Variants in SPIRE2 observed in about 807,000 individuals in gnomAD.
SPIRE2 encodes the protein protein spire homolog 2.
Under a neutral mutation model 80.7 loss-of-function variants are expected in SPIRE2, and 76 were observed. That is an observed-to-expected ratio of 0.94 (90% CI 0.78 to 1.14). SPIRE2 has a LOEUF of 1.14. Among genes scored for constraint, SPIRE2 ranks in the 50% most tolerant of loss-of-function variants. The pLI, the probability that SPIRE2 is intolerant of heterozygous loss-of-function variation, is 0.00. For missense variants in SPIRE2, 1,196 were observed against 1,015.3 expected, an observed-to-expected ratio of 1.18 and a Z score of -2.42; for synonymous variants, 535 against 432.6, an observed-to-expected ratio of 1.24 and a Z score of -2.94.
rs187746274 is a variant in SPIRE2, at chr16:89,851,348, C to G, written c.645+688C>G. Among the ~76,000 whole-genome samples the G allele has an allele frequency of 6.6e-4, 100 of 152,300 alleles. 1 individual carries two copies. Among genetic ancestry groups the G allele is most frequent in the Admixed American group, 1.1e-3 (17 of 15,298 alleles). The stretch of plus-strand genomic sequence containing the variant: ...AGGTGGCCCCCTCTATACGCAGGAA[C>G]CACAGGGAGGCTCAGCGACTTGCTT... On this transcript the variant is annotated intron_variant, in intron 3 of 14. Coordinates refer to ENST00000378247, the MANE Select transcript of SPIRE2 (RefSeq NM_032451.2).
Position 89,845,295 on chromosome 16 carries a change from ATAACT to A in SPIRE2, c.245-21_245-17del, listed in dbSNP as rs763175843. 180 of 1,613,354 alleles carry A rather than the reference ATAACT, an allele frequency of 1.1e-4. 1 individual carries two copies. The highest frequency in any genetic ancestry group is 2.4e-4 in the South Asian group (22 of 91,056). ...ATTGGGGTCCCGGGGATGCTGACAA[ATAACT>A]TAACTCCCTCTTCTCTTACAGAACC... On this transcript the variant is annotated intron_variant, in intron 1 of 14. Coordinates refer to ENST00000378247, the MANE Select transcript of SPIRE2 (RefSeq NM_032451.2).
chr16:89,869,667 G>C lies in SPIRE2; in HGVS notation c.1907G>C (p.Arg636Thr), dbSNP rs1254131309. 1.2e-6 allele frequency: 2 copies of C among 1,613,866 alleles called. No homozygotes were observed. Among genetic ancestry groups the C allele is most frequent in the Non-Finnish European group, 1.7e-6 (2 of 1,179,742 alleles). ...VSAAKTAPIQ[R>T]RDIFQSLQGP... ...GCTGCCAAAACCGCGCCAATCCAGAGAAGAGACATCTTTCAGTGCGTTCTT... is the reference window on the plus strand; with the variant it reads ...GCTGCCAAAACCGCGCCAATCCAGACAAGAGACATCTTTCAGTGCGTTCTT... Residue 636 changes from arginine (R) to threonine (T), a missense_variant, in exon 14 of 15, where the codon AGA (arginine) becomes ACA (threonine). Transcript: ENST00000378247.
In SPIRE2 at chr16:89,854,310, G is replaced by A. The variant is rs375815496; in HGVS notation, c.670G>A (p.Glu224Lys). ...GATGCTGCAGAAGCTTCGGGAGGAC[G>A]AGCCGCATCTGGAGACGCCTCGGGC... ...KEMLQKLRED[E>K]PHLETPRAEL... Residue 224 changes from glutamate to lysine, a missense_variant, in exon 4 of 15, where the codon GAG becomes AAG. Glu to Lys is a moderately conservative substitution (Grantham distance 56). Transcript: ENST00000378247. 26 of 1,612,372 alleles carry A rather than the reference G, an allele frequency of 1.6e-5. No individual in the cohort carries two copies. Among genetic ancestry groups the A allele is most frequent in the African/African-American group, 1.3e-5 (1 of 74,956 alleles).
At chr16:89,835,876 T>A (rs2041444007) in intron 1 of SPIRE2, among the ~76,000 whole-genome samples, 1 of 151,916 alleles carries the variant, frequency 6.6e-6, no homozygotes, top group Non-Finnish European at 1.5e-5. Context: ...GTGGGAGTAG[T>A]TTAAAAGGAG....
intron 10 of SPIRE2, among the ~76,000 whole-genome samples, chr16:89,861,008 G>A (rs750493141): frequency 4.5e-4 from 69 of 152,260 alleles, no homozygotes; most frequent in African/African-American, 1.6e-3. Flanking sequence ...TGCTGGGGCC[G>A]AACCGCACTG....
rs1325540897 is a variant in SPIRE2 at position 89,854,511 on chromosome 16, C to T, written c.751C>T (p.Arg251Trp). The T allele has an allele frequency of 3.1e-6, 5 of 1,612,568 alleles. No individual in the cohort carries two copies. Among genetic ancestry groups the T allele is most frequent in the East Asian group, 2.2e-5 (1 of 44,888 alleles). The change falls in exon 5 of 15, where the codon CGG becomes TGG. Residue 251 changes from arginine (R) to tryptophan (W), a missense_variant. Physicochemically the swap from Arg to Trp is moderately radical, Grantham distance 101. Coordinates refer to ENST00000378247, the MANE Select transcript of SPIRE2 (RefSeq NM_032451.2). ...GGCCCGACTGTGGGTTCAGCTCATG[C>T]GGGAGCTCCGCCGCGGAGTGAAGCT... is the stretch of plus-strand genomic sequence containing the variant. ...DWARLWVQLM[R>W]ELRRGVKLKK...
intron 5 of SPIRE2, among the ~76,000 whole-genome samples, 197 bp from the exon 6 acceptor site, chr16:89,855,403 T>G (rs1342763465): frequency 6.6e-6 from 1 of 152,134 alleles, no homozygotes; most frequent in Non-Finnish European, 1.5e-5. Flanking sequence ...AGACCATGGA[T>G]GCTGTGGCCG....
intron 7 of SPIRE2, among the ~76,000 whole-genome samples, chr16:89,857,793 C>T (rs559634611): frequency 1.6e-4 from 24 of 151,932 alleles, no homozygotes; most frequent in Non-Finnish European, 3.1e-4. Context: ...TGGTCTCAAA[C>T]TCTTGACCTC....
chr16:89,855,945 C>T (rs1383852276), intron 6 of SPIRE2, 168 bp from the exon 7 acceptor site: 40 of 1,273,622 alleles, frequency 3.1e-5, no homozygotes, highest in Middle Eastern at 2.8e-4. Context: ...GCCCAGAGCC[C>T]CCTGGGAGCA....
At chr16:89,850,722 G>A (rs552137455) in intron 3 of SPIRE2, 62 bp downstream of exon 3, 5 of 1,171,670 alleles carry the variant, frequency 4.3e-6, no homozygotes, top group Non-Finnish European at 5.8e-6. Flanking sequence ...AGCAGTGGGT[G>A]GGAGGGGACT....
rs2041711762 is a variant in SPIRE2 at position 89,858,379 on chromosome 16, G to T, written c.1144G>T (p.Asp382Tyr). ...CTGCATCCTCAACGCCTGCTCCGGA[G>T]ATGCCAAGTCCACCTCCTGCATCAA... ...LPCILNACSGDAKSTSCINLS... is the reference protein window; with the variant it reads ...LPCILNACSGYAKSTSCINLS... Residue 382 changes from aspartate to tyrosine, a missense_variant, in exon 8 of 15, where the codon GAT (aspartate) becomes TAT (tyrosine). Transcript: ENST00000378247. 2 of 1,611,608 alleles carry T rather than the reference G, an allele frequency of 1.2e-6. No individual in the cohort carries two copies. Among genetic ancestry groups the T allele is most frequent in the Admixed American group, 1.7e-5 (1 of 59,840 alleles).
chr16:89,831,010 C>T lies in SPIRE2; in HGVS notation c.244+2216C>T, dbSNP rs566899638. Among the ~76,000 whole-genome samples, 10 of 149,528 alleles carry T rather than the reference C, an allele frequency of 6.7e-5. 1 individual carries two copies. Among genetic ancestry groups the T allele is most frequent in the South Asian group, 6.3e-4 (3 of 4,788 alleles). On this transcript the variant is annotated intron_variant, in intron 1 of 14. Transcript: ENST00000378247. ...CTGCAAGCTCCACCTCCCGGGTTCA[C>T]GCCATTCTCCTGCCTCAGCCTCCCG...
chr16:89,850,600 G>T lies in SPIRE2; in HGVS notation c.585G>T (p.Ala195=). The T allele has an allele frequency of 1.3e-6, 2 of 1,518,730 alleles. No individual in the cohort carries two copies. Among genetic ancestry groups the T allele is most frequent in the African/African-American group, 1.4e-5 (1 of 72,152 alleles). The allele number at this position is 1,518,730 out of a possible 1,614,324, so 94.1% of individuals were successfully genotyped here. The part of the protein sequence containing the change: ...AQAHYQAVCR[A]LFVETLELRA... ...CGCATTACCAGGCCGTGTGCCGCGCGCTCTTCGTGGAGACGCTGGAGCTGC... is the reference window on the plus strand; with the variant it reads ...CGCATTACCAGGCCGTGTGCCGCGCTCTCTTCGTGGAGACGCTGGAGCTGC... The change falls in exon 3 of 15, where the codon GCG becomes GCT. Residue 195 remains alanine (A), a synonymous_variant. Transcript: ENST00000378247.
rs777237458 is a variant in SPIRE2 at position 89,855,675 on chromosome 16, C to A, written c.967C>A (p.Pro323Thr). 1.3e-5 allele frequency: 21 copies of A among 1,612,736 alleles called. No homozygotes were observed. The highest frequency in any genetic ancestry group is 2.7e-5 in the African/African-American group (2 of 74,920). Residue 323 changes from proline (P) to threonine (T), a missense_variant, in exon 6 of 15, where the codon CCA (proline) becomes ACA (threonine). Coordinates refer to ENST00000378247, the MANE Select transcript of SPIRE2 (RefSeq NM_032451.2). Reference protein sequence around the residue: ...LILDFIRSRPPLKQVSERRLR... With the variant: ...LILDFIRSRPTLKQVSERRLR... ...CCTGGACTTTATCCGCTCACGGCCT[C>A]CACTGAAGCAGGTGCTGCCCCAGCC... is the stretch of plus-strand genomic sequence containing the variant.
In SPIRE2 at chr16:89,861,005, G is replaced by A. The variant is rs564802358; in HGVS notation, c.1575+210G>A. On this transcript the variant is annotated intron_variant, in intron 10 of 14. Coordinates refer to ENST00000378247, the MANE Select transcript of SPIRE2 (RefSeq NM_032451.2). Reference sequence around the variant, plus strand: ...GTGGTCTCTGCTGCCGCCTGCTGGGGCCGAACCGCACTGCACTGCGGCCCC... The same window carrying A: ...GTGGTCTCTGCTGCCGCCTGCTGGGACCGAACCGCACTGCACTGCGGCCCC... 2.6e-5 allele frequency among the ~76,000 whole-genome samples: 4 copies of A among 152,266 alleles called. No homozygotes were observed. In the South Asian group the frequency reaches 8.3e-4, roughly 32 times the overall value.
At position 89,870,220 on chromosome 16, in the gene SPIRE2, G is replaced by A. The variant is rs762621519; in HGVS notation, c.2093G>A (p.Arg698His). Residue 698 changes from arginine to histidine, a missense_variant, in exon 15 of 15, where the codon CGC becomes CAC. Transcript: ENST00000378247. ...DVLNTTPRRSRQTQSLYIPNT... is the reference protein window; with the variant it reads ...DVLNTTPRRSHQTQSLYIPNT... ...CTCAACACTACGCCACGACGCAGTC[G>A]CCAGACCCAATCCCTCTACATCCCT... The A allele has an allele frequency of 2.2e-5, 36 of 1,606,754 alleles. No homozygotes were observed. Among genetic ancestry groups the A allele is most frequent in the East Asian group, 1.6e-4 (7 of 44,682 alleles).
At position 89,854,512 on chromosome 16, in the gene SPIRE2, G is replaced by A. The variant is rs763864236; in HGVS notation, c.752G>A (p.Arg251Gln). ...DWARLWVQLM[R>Q]ELRRGVKLKK... ...GCCCGACTGTGGGTTCAGCTCATGC[G>A]GGAGCTCCGCCGCGGAGTGAAGCTG... Residue 251 changes from arginine to glutamine, a missense_variant, in exon 5 of 15, where the codon CGG becomes CAG. Transcript: ENST00000378247. 66 of 1,612,646 alleles carry A rather than the reference G, an allele frequency of 4.1e-5. No individual in the cohort carries two copies. The East Asian group carries it at 4.9e-4, about 12-fold the overall frequency.
At chr16:89,854,800 T>C in intron 5 of SPIRE2, 149 bp downstream of exon 5, 1 of 807,414 alleles carries the variant, frequency 1.2e-6, no homozygotes. Context: ...GGTCATAAAA[T>C]ATGGATTAGG....
intron 1 of SPIRE2, among the ~76,000 whole-genome samples, chr16:89,831,688 C>T (rs1215687906): frequency 6.6e-6 from 1 of 151,308 alleles, no homozygotes; most frequent in Non-Finnish European, 1.5e-5. Flanking sequence ...TAAGCCACCA[C>T]GCCTGGCCTG....
Sources: gnomAD v4.1 joint callset for allele counts (sites outside exome capture counted in the v4.1 genomes callset) on GRCh38, gnomAD v4.1.1 for gene constraint, MANE v1.5 for transcripts, NCBI Gene and HGNC (gene_info 2026-07-23, HGNC 2026-07-21) for gene names.